Variants in TENM2 observed in about 807,000 individuals in gnomAD.
TENM2 encodes teneurin transmembrane protein 2, also known as teneurin-2.
In TENM2, 52 loss-of-function variants were observed where a neutral mutation model predicts 245.2. The ratio of observed to expected loss-of-function variants is 0.21; its 90% CI spans 0.17 to 0.27. The LOEUF is 0.27. Ranked by LOEUF, TENM2 falls within the 10% of genes least tolerant of loss-of-function variation. The probability of loss-of-function intolerance (pLI) is 1.00; values close to 1 mark genes in which losing one functional copy is unlikely to be tolerated. For missense variants in TENM2, 3,046 were observed against 3,666.8 expected (o/e 0.83, Z 4.37); for synonymous variants, 1,363 against 1,438.9 (o/e 0.95, Z 1.19).
chr5:167,841,303 C>T (rs769238964), intron 2 of TENM2, among the ~76,000 whole-genome samples: 3 of 152,124 alleles, frequency 2.0e-5, no homozygotes, highest in Non-Finnish European at 4.4e-5. Context: ...GTGATCTGCC[C>T]GCCTTGGCTT....
chr5:168,199,910 G>A lies in TENM2; in HGVS notation c.3209G>A (p.Arg1070His), dbSNP rs774784319. 9.3e-6 allele frequency: 15 copies of A among 1,613,894 alleles called. No individual in the cohort carries two copies. In the East Asian group the frequency reaches 1.3e-4, roughly 14 times the overall value. Residue 1070 changes from arginine (R) to histidine (H), a missense_variant, in exon 17 of 29, where the codon CGC becomes CAC. This residue lies in a region of TENM2 where 2,704 missense variants were observed against 3,331.9 expected (regional missense o/e 0.81). Coordinates refer to ENST00000518659, the Ensembl canonical transcript of TENM2. The stretch of plus-strand genomic sequence containing the variant: ...CTCCCTGGTTCCAATGTGAAACTTC[G>A]CTATCTGAGCTCTAGAACTGCAGGG...
the TENM2 span, among the ~76,000 whole-genome samples, chr5:167,279,562 C>CTTCCTTCCTTCCTTCT: frequency 8.4e-6 from 1 of 119,700 alleles, no homozygotes; most frequent in Admixed American, 9.5e-5. Flanking sequence ...TCCTTCCTTC[C>CTTCCTTCCTTCCTTCT]TTCCTTCTTT....
chr5:167,363,742 A>AAAAC (rs564869520), intron 1 of TENM2, among the ~76,000 whole-genome samples: 1 of 150,668 alleles, frequency 6.6e-6, no homozygotes, highest in African/African-American at 2.4e-5. Flanking sequence ...AAAAAAAAAA[A>AAAAC]AAAAGAAAAG....
At chr5:167,483,906 A>T (rs1767910129) in intron 2 of TENM2, among the ~76,000 whole-genome samples, 1 of 152,248 alleles carries the variant, frequency 6.6e-6, no homozygotes, top group African/African-American at 2.4e-5. Context: ...AAAGTTTGGC[A>T]GTTTGACATT....
At chr5:167,386,170 C>T (rs745826352) in intron 2 of TENM2, among the ~76,000 whole-genome samples, 17 of 151,554 alleles carry the variant, frequency 1.1e-4, no homozygotes, top group African/African-American at 2.7e-4. Context: ...CCCTGTTCAC[C>T]GCATCTATTA....
At chr5:168,248,333 C>T in exon 27 of TENM2, 1 of 1,613,818 alleles carries the variant, frequency 6.2e-7, no homozygotes, top group Non-Finnish European at 8.5e-7. Flanking sequence ...AGCAACAATC[C>T]TCTCAGCAGT....
chr5:167,703,183 A>G (rs1298507942), intron 2 of TENM2, among the ~76,000 whole-genome samples: 1 of 152,176 alleles, frequency 6.6e-6, no homozygotes, highest in African/African-American at 2.4e-5. Flanking sequence ...GAAATTTCCA[A>G]TCCATAGCCA....
chr5:167,328,500 T>C (rs1757233905), intron 1 of TENM2, among the ~76,000 whole-genome samples: 1 of 152,188 alleles, frequency 6.6e-6, no homozygotes, highest in African/African-American at 2.4e-5. Context: ...CAGTTTCCCA[T>C]ATCTTTTGAA....
At chr5:167,774,243 A>C (rs960189707) in intron 2 of TENM2, among the ~76,000 whole-genome samples, 10 of 151,434 alleles carry the variant, frequency 6.6e-5, no homozygotes, top group African/African-American at 2.4e-4. Context: ...GAAGGAAGGA[A>C]GGAAGGAAGG....
chr5:167,362,888 TGAA>T (rs1173101752), intron 1 of TENM2, among the ~76,000 whole-genome samples: 2 of 152,198 alleles, frequency 1.3e-5, no homozygotes, highest in Non-Finnish European at 2.9e-5. Flanking sequence ...AATAGTAACA[TGAA>T]TAATAATAGC....
chr5:167,147,494 A>G, the TENM2 span, among the ~76,000 whole-genome samples: 1 of 152,196 alleles, frequency 6.6e-6, no homozygotes, highest in Non-Finnish European at 1.5e-5. Context: ...ATACAAATAC[A>G]TTATGATGAC....
At chr5:167,701,615 TG>T (rs147611667) in intron 2 of TENM2, among the ~76,000 whole-genome samples, 4,854 of 152,256 alleles carry the variant, frequency 0.032, 244 homozygotes, top group African/African-American at 0.11. Flanking sequence ...GTGTCTTACT[TG>T]AAAAATAGGA....
At chr5:167,742,242 C>T (rs936551420) in intron 2 of TENM2, among the ~76,000 whole-genome samples, 1 of 152,046 alleles carries the variant, frequency 6.6e-6, no homozygotes, top group Non-Finnish European at 1.5e-5. Flanking sequence ...ATTTGGAGCT[C>T]ACTATCCCCT....
chr5:168,233,370 A>C (rs1415098304), intron 25 of TENM2, among the ~76,000 whole-genome samples: 1 of 152,154 alleles, frequency 6.6e-6, no homozygotes, highest in Non-Finnish European at 1.5e-5. Context: ...TGAGCTCCAT[A>C]AGTGCAGGGA....
At chr5:167,569,420 A>G (rs1774134169) in intron 2 of TENM2, among the ~76,000 whole-genome samples, 1 of 152,168 alleles carries the variant, frequency 6.6e-6, no homozygotes, top group African/African-American at 2.4e-5. Flanking sequence ...CATATATGGA[A>G]GAACGGGGCA....
chr5:167,151,408 G>A, the TENM2 span, among the ~76,000 whole-genome samples: 1 of 152,218 alleles, frequency 6.6e-6, no homozygotes, highest in Non-Finnish European at 1.5e-5. Context: ...TTCAAAGGAA[G>A]TAGAGAAGTG....
intron 2 of TENM2, among the ~76,000 whole-genome samples, chr5:167,592,299 C>G (rs1305109542): frequency 6.6e-6 from 1 of 152,180 alleles, no homozygotes; most frequent in Non-Finnish European, 1.5e-5. Flanking sequence ...GGCAAACATT[C>G]TGCTATTGTT....
chr5:168,199,485 T>C (rs961526911), intron 16 of TENM2, among the ~76,000 whole-genome samples: 1 of 152,260 alleles, frequency 6.6e-6, no homozygotes, highest in Non-Finnish European at 1.5e-5. Flanking sequence ...GCCTCCCTGT[T>C]GCTTTATACG....
chr5:168,219,475 G>C (rs1257012486), intron 23 of TENM2, among the ~76,000 whole-genome samples: 1 of 152,086 alleles, frequency 6.6e-6, no homozygotes, highest in Non-Finnish European at 1.5e-5. Context: ...TAAAGCATTA[G>C]GTATATTAAA....
Sources: allele counts gnomAD v4.1 joint callset (sites outside exome capture counted in the v4.1 genomes callset), GRCh38; gene constraint gnomAD v4.1.1; regional missense constraint gnomAD v4.1.1; transcripts MANE v1.5; gene names NCBI Gene and HGNC (gene_info 2026-07-23, HGNC 2026-07-21).